The following PITPNA variants were observed in gnomAD, a reference collection of about 807,000 sequenced individuals.
The protein encoded by PITPNA is phosphatidylinositol transfer protein alpha.
A neutral mutation model predicts 50.3 loss-of-function variants in PITPNA; 13 were observed. That is an observed-to-expected ratio of 0.26 (90% CI 0.17 to 0.41). The LOEUF (loss-of-function observed/expected upper bound fraction) is 0.41, where lower values mean the gene tolerates loss of function less well. Ranked by LOEUF, PITPNA falls within the 10% of genes least tolerant of loss-of-function variation. The probability of loss-of-function intolerance (pLI) is 1.00; values close to 1 mark genes in which losing one functional copy is unlikely to be tolerated. For synonymous variants in PITPNA, 120 were observed against 119.6 expected (o/e 1.00, Z -0.02); for missense variants, 207 against 333.4 (o/e 0.62, Z 2.95).
chr17:1,538,970 G>T lies in PITPNA; in HGVS notation c.373-18C>A. On this transcript the variant is annotated intron_variant, in intron 6 of 11. Transcript: ENST00000313486. ...TTATGCACCTGTGGGAACAAGTGGG[G>T]AACCACTATGCAGTTTTTGTCAGTT... 3.2e-6 allele frequency: 5 copies of T among 1,561,136 alleles called. No homozygotes were observed. The highest frequency in any genetic ancestry group is 4.4e-6 in the Non-Finnish European group (5 of 1,132,044).
At chr17:1,536,534 C>T (rs931706281) in intron 7 of PITPNA, among the ~76,000 whole-genome samples, 4 of 151,566 alleles carry the variant, frequency 2.6e-5, no homozygotes, top group African/African-American at 9.7e-5. Flanking sequence ...CGTGATCCGC[C>T]CACCTTGGCC....
rs1567575888 is a variant in PITPNA, at chr17:1,527,629, T to G, written c.769-5984A>C. Among the ~76,000 whole-genome samples, 3 of 152,376 alleles carry G rather than the reference T, an allele frequency of 2.0e-5. No homozygotes were observed. The East Asian group carries it at 5.8e-4, about 29-fold the overall frequency. ...GAAGACTTTTATTTATGTATTCACCTATTAGTTATTTGGACTTCTATTTTT... is the reference window on the plus strand; with the variant it reads ...GAAGACTTTTATTTATGTATTCACCGATTAGTTATTTGGACTTCTATTTTT... On this transcript the variant is annotated intron_variant, in intron 10 of 11. Transcript: ENST00000313486.
In PITPNA at chr17:1,547,741, C is replaced by T. The variant is rs372912349; in HGVS notation, c.289+555G>A. On this transcript the variant is annotated intron_variant, in intron 4 of 11. Coordinates refer to ENST00000313486, the MANE Select transcript of PITPNA (RefSeq NM_006224.4). Reference sequence around the variant, plus strand: ...GGGCACAGTGGCTCACACCTATAATCCCAGCACTTTGGGAGGCCAAGGTGG... The same window carrying T: ...GGGCACAGTGGCTCACACCTATAATTCCAGCACTTTGGGAGGCCAAGGTGG... Among the ~76,000 whole-genome samples the T allele has an allele frequency of 2.2e-4, 34 of 151,902 alleles. No homozygotes were observed. In the South Asian group the frequency reaches 3.5e-3, roughly 16 times the overall value.
chr17:1,555,674 A>G (rs150967563), intron 2 of PITPNA, among the ~76,000 whole-genome samples: 1 of 152,332 alleles, frequency 6.6e-6, no homozygotes, highest in East Asian at 1.9e-4. Flanking sequence ...AAATACTGAC[A>G]TGAAACACGT....
chr17:1,530,540 A>C (rs1197897184), intron 10 of PITPNA, among the ~76,000 whole-genome samples: 1 of 152,158 alleles, frequency 6.6e-6, no homozygotes, highest in African/African-American at 2.4e-5. Flanking sequence ...CCTTGCAGTG[A>C]CCCTTCATCA....
In PITPNA at chr17:1,518,763, G is replaced by A. The variant is rs980961292; in HGVS notation, c.*1798C>T. ...GGACTTCCCCTAGTTGATGAATGAAGGAACATCTTTAAGCACAAATATAAT... is the reference window on the plus strand; with the variant it reads ...GGACTTCCCCTAGTTGATGAATGAAAGAACATCTTTAAGCACAAATATAAT... On this transcript the variant is annotated 3_prime_UTR_variant, in exon 12 of 12. Transcript: ENST00000313486. The A allele has an allele frequency of 1.3e-5, 2 of 152,194 alleles. No homozygotes were observed. Among genetic ancestry groups the A allele is most frequent in the African/African-American group, 4.8e-5 (2 of 41,446 alleles). 9.4% of individuals were successfully genotyped at this position (152,194 alleles called of 1,614,324 possible). A position where few individuals can be genotyped will look rare whatever the true frequency, so the allele number is the denominator to read the frequency against.
chr17:1,543,850 T>A (rs926186458), intron 4 of PITPNA, among the ~76,000 whole-genome samples: 2 of 152,176 alleles, frequency 1.3e-5, no homozygotes, highest in African/African-American at 4.8e-5. Flanking sequence ...AGCACCAGAT[T>A]AAGATTACAA....
At chr17:1,561,922 C>T (rs2075770447) in intron 1 of PITPNA, among the ~76,000 whole-genome samples, 1 of 152,180 alleles carries the variant, frequency 6.6e-6, no homozygotes, top group Non-Finnish European at 1.5e-5. Flanking sequence ...GGCCCTCCAC[C>T]TTTCCCCACC....
At chr17:1,530,868 G>A (rs766727370) in intron 10 of PITPNA, among the ~76,000 whole-genome samples, 5 of 152,152 alleles carry the variant, frequency 3.3e-5, no homozygotes, top group Admixed American at 6.6e-5. Flanking sequence ...GATGGAGAGC[G>A]GAGAAGGAGC....
intron 10 of PITPNA, among the ~76,000 whole-genome samples, chr17:1,532,093 TC>T (rs201646939): frequency 6.6e-6 from 1 of 151,456 alleles, no homozygotes; most frequent in African/African-American, 2.5e-5. Flanking sequence ...CTTTTCTTTT[TC>T]TTTTTTTCCT....
At chr17:1,528,913 G>A (rs556807607) in intron 10 of PITPNA, among the ~76,000 whole-genome samples, 6 of 151,836 alleles carry the variant, frequency 4.0e-5, no homozygotes, top group East Asian at 1.9e-4. Context: ...CGAGGCAGGC[G>A]GATCACCTGA....
intron 10 of PITPNA, among the ~76,000 whole-genome samples, chr17:1,532,624 A>C (rs2075591048): frequency 2.0e-5 from 3 of 151,926 alleles, no homozygotes; most frequent in Admixed American, 2.0e-4. Context: ...CCAGGCTAAA[A>C]CTCCAATGAA....
intron 10 of PITPNA, among the ~76,000 whole-genome samples, chr17:1,533,287 CAG>C (rs140620688): frequency 0.1 from 15,721 of 152,124 alleles, 914 homozygotes; most frequent in East Asian, 0.14. Context: ...GTTCCAGGGC[CAG>C]AGAGTCCTGG....
At chr17:1,520,787 G>A (rs563376442) in intron 11 of PITPNA, among the ~76,000 whole-genome samples, 35 of 152,292 alleles carry the variant, frequency 2.3e-4, no homozygotes, top group Middle Eastern at 3.4e-3. Flanking sequence ...AGGGCCTGCC[G>A]TCACTCCTGG....
chr17:1,550,048 G>T (rs144882226), intron 3 of PITPNA, among the ~76,000 whole-genome samples: 1 of 152,172 alleles, frequency 6.6e-6, no homozygotes, highest in African/African-American at 2.4e-5. Flanking sequence ...TAGTGCCTCA[G>T]GCCTAAGAAA....
intron 2 of PITPNA, 27 bp downstream of exon 2, chr17:1,558,502 T>C: frequency 1.3e-6 from 2 of 1,522,994 alleles, no homozygotes; most frequent in Middle Eastern, 1.7e-4. Context: ...TACACACAAC[T>C]ATGGACCAGA....
At position 1,534,267 on chromosome 17, in the gene PITPNA, G is replaced by A. The variant is rs745391605; in HGVS notation, c.646-46C>T. ...CGTTAGAACGCAGAAGGCAAAGGCT[G>A]CTGCCACAGCCCTTCTCTCCATGCA... On this transcript the variant is annotated intron_variant, in intron 9 of 11. Transcript: ENST00000313486. The A allele has an allele frequency of 5.0e-5, 81 of 1,610,662 alleles. No individual in the cohort carries two copies. The East Asian group carries it at 1.8e-3, about 36-fold the overall frequency.
intron 2 of PITPNA, among the ~76,000 whole-genome samples, chr17:1,554,818 AG>A (rs761813402): frequency 1.8e-4 from 27 of 152,192 alleles, no homozygotes; most frequent in Non-Finnish European, 3.8e-4. Flanking sequence ...TGCCATGAAA[AG>A]GGGCAGCAAT....
chr17:1,534,515 A>T (rs751976747), intron 9 of PITPNA, among the ~76,000 whole-genome samples: 4 of 152,180 alleles, frequency 2.6e-5, no homozygotes, highest in Admixed American at 6.5e-5. Context: ...ACTCCTAGGC[A>T]AGCCAAGGGC....
Sources: allele counts gnomAD v4.1 joint callset (sites outside exome capture counted in the v4.1 genomes callset), GRCh38; gene constraint gnomAD v4.1.1; transcripts MANE v1.5; gene names NCBI Gene and HGNC (gene_info 2026-07-23, HGNC 2026-07-21).